The following MAPK8 variants were observed in gnomAD, a reference collection of about 807,000 sequenced individuals.
MAPK8 encodes the protein mitogen-activated protein kinase 8.
MAPK8 carries 13 observed loss-of-function variants against 52.9 expected under a neutral mutation model. That is an observed-to-expected ratio of 0.25 (90% CI 0.16 to 0.39). The LOEUF (loss-of-function observed/expected upper bound fraction) is 0.39, where lower values mean the gene tolerates loss of function less well. Among genes scored for constraint, MAPK8 ranks in the 10% least tolerant of loss-of-function variants. The probability of loss-of-function intolerance (pLI) is 1.00; values close to 1 mark genes in which losing one functional copy is unlikely to be tolerated. For synonymous variants in MAPK8, 191 were observed against 169.8 expected (o/e 1.12, Z -0.97); for missense variants, 300 against 519.2 (o/e 0.58, Z 4.10).
chr10:48,324,503 G>GTTTTTTTTTTTTTGGTTTTTTTTTTTTTT lies in MAPK8; in HGVS notation c.-50+17695_-50+17696insGGTTTTTTTTTTTTTTTTTTTTTTTTTTT, dbSNP rs529248037. ...TATACAACAGTTGTCCTGTTTTCTA[G>GTTTTTTTTTTTTTGGTTTTTTTTTTTTTT]TTTTTTTTTTTTTTTTTACACTCAT... On this transcript the variant is annotated intron_variant, in intron 1 of 11. Coordinates refer to ENST00000374189, the MANE Select transcript of MAPK8 (RefSeq NM_001323329.2). 5.8e-4 allele frequency among the ~76,000 whole-genome samples: 68 copies of GTTTTTTTTTTTTTGGTTTTTTTTTTTTTT among 117,976 alleles called. 1 individual carries two copies. Among genetic ancestry groups the GTTTTTTTTTTTTTGGTTTTTTTTTTTTTT allele is most frequent in the Admixed American group, 1.4e-3 (15 of 10,730 alleles). The allele number at this position is 117,976 out of a possible 152,430, so 77.4% of individuals were successfully genotyped here.
chr10:48,329,309 T>A (rs1418914694), intron 1 of MAPK8, among the ~76,000 whole-genome samples: 3 of 152,208 alleles, frequency 2.0e-5, no homozygotes, highest in Admixed American at 6.5e-5. Flanking sequence ...AATTATAGTA[T>A]AATGGGTGTC....
At chr10:48,322,219 A>G (rs1379141164) in intron 1 of MAPK8, among the ~76,000 whole-genome samples, 1 of 152,174 alleles carries the variant, frequency 6.6e-6, no homozygotes, top group African/African-American at 2.4e-5. Flanking sequence ...GGGAATTCCT[A>G]AAGAATTCAT....
intron 1 of MAPK8, chr10:48,307,958 G>T (rs1841571685): frequency 6.6e-6 from 1 of 152,212 alleles, no homozygotes; most frequent in South Asian, 2.1e-4. Context: ...AGTGATGTCT[G>T]TTAAGGAAGG....
intron 10 of MAPK8, among the ~76,000 whole-genome samples, chr10:48,429,229 G>GA (rs2043962831): frequency 6.6e-6 from 1 of 151,990 alleles, no homozygotes; most frequent in East Asian, 1.9e-4. Flanking sequence ...GTGCCACAAA[G>GA]AAAAAAACAC....
intron 2 of MAPK8, among the ~76,000 whole-genome samples, chr10:48,402,718 A>T (rs2042222456): frequency 6.6e-6 from 1 of 152,256 alleles, no homozygotes; most frequent in Non-Finnish European, 1.5e-5. Flanking sequence ...TTAAGTATTT[A>T]TAATCCAGTA....
intron 1 of MAPK8, among the ~76,000 whole-genome samples, chr10:48,385,392 A>G (rs2041251613): frequency 6.6e-6 from 1 of 152,210 alleles, no homozygotes; most frequent in South Asian, 2.1e-4. Context: ...GCTACCTAGC[A>G]TGTCAGGCAG....
chr10:48,413,219 T>A (rs2042857002), intron 5 of MAPK8, among the ~76,000 whole-genome samples: 1 of 152,000 alleles, frequency 6.6e-6, no homozygotes, highest in Non-Finnish European at 1.5e-5. Context: ...GGTTCCACAT[T>A]TAGCTCTTTT....
intron 1 of MAPK8, among the ~76,000 whole-genome samples, chr10:48,332,421 A>G (rs540765614): frequency 9.8e-5 from 15 of 152,310 alleles, no homozygotes; most frequent in South Asian, 4.1e-4. Flanking sequence ...GGGATCCCCA[A>G]TGACTCCTTT....
chr10:48,372,992 C>T (rs1418481150), intron 1 of MAPK8, among the ~76,000 whole-genome samples: 1 of 152,086 alleles, frequency 6.6e-6, no homozygotes, highest in East Asian at 1.9e-4. Context: ...AGAGAAAGGT[C>T]GGGTTACCCA....
chr10:48,401,359 T>C (rs28395807), intron 1 of MAPK8, among the ~76,000 whole-genome samples: 54 of 152,338 alleles, frequency 3.5e-4, no homozygotes, highest in Non-Finnish European at 6.5e-4. Flanking sequence ...TATTAATGTA[T>C]TAATACTGGT....
chr10:48,337,395 A>AT (rs59146076), intron 1 of MAPK8, among the ~76,000 whole-genome samples: 126,068 of 151,890 alleles, frequency 0.83, 52,832 homozygotes, highest in African/African-American at 0.96. Context: ...CAGAAATACA[A>AT]TTTTTTTTGG....
chr10:48,399,689 G>GT (rs2042062018), intron 1 of MAPK8, among the ~76,000 whole-genome samples: 1 of 152,174 alleles, frequency 6.6e-6, no homozygotes, highest in Non-Finnish European at 1.5e-5. Flanking sequence ...GAAACACAGT[G>GT]TTTTGTTACC....
intron 5 of MAPK8, among the ~76,000 whole-genome samples, chr10:48,413,815 T>TTACA (rs1554832943): frequency 4.1e-5 from 2 of 48,378 alleles, no homozygotes; most frequent in Non-Finnish European, 8.7e-5. Context: ...GCCAGAATTG[T>TTACA]TATATATATA....
intron 1 of MAPK8, among the ~76,000 whole-genome samples, chr10:48,362,377 TTTA>T (rs1270507140): frequency 6.6e-6 from 1 of 152,162 alleles, no homozygotes; most frequent in African/African-American, 2.4e-5. Context: ...TCTGCCTTGC[TTTA>T]AGATGAACTT....
intron 3 of MAPK8, among the ~76,000 whole-genome samples, 168 bp from the exon 4 acceptor site, chr10:48,409,711 T>C (rs943095577): frequency 6.6e-6 from 1 of 152,316 alleles, no homozygotes; most frequent in Non-Finnish European, 1.5e-5. Context: ...CTCCAACTCC[T>C]GCCCATAAAG....
chr10:48,431,078 A>G (rs949947051), intron 10 of MAPK8, 115 bp from the exon 11 acceptor site: 4 of 690,476 alleles, frequency 5.8e-6, no homozygotes, highest in East Asian at 5.5e-5. Context: ...CTGTCATTGT[A>G]AGGACACTGT....
intron 1 of MAPK8, among the ~76,000 whole-genome samples, chr10:48,372,147 T>C (rs1413606103): frequency 6.6e-6 from 1 of 152,046 alleles, no homozygotes; most frequent in African/African-American, 2.4e-5. Flanking sequence ...TCAGCTCCTC[T>C]CCCCTTCCTA....
At position 48,409,933 on chromosome 10, in the gene MAPK8, G is replaced by A; in HGVS notation, c.307G>A (p.Asp103Asn). The change falls in exon 4 of 12, where the codon GAT becomes AAT. Residue 103 changes from aspartate (D) to asparagine (N), a missense_variant. Around this residue, in one of 3 missense-constraint regions of MAPK8, gnomAD observed 147 missense variants for 328.1 expected, o/e 0.45. Coordinates refer to ENST00000374189, the MANE Select transcript of MAPK8 (RefSeq NM_001323329.2). Reference protein sequence around the residue: ...TPQKSLEEFQDVYIVMELMDA... With the variant: ...TPQKSLEEFQNVYIVMELMDA... The stretch of plus-strand genomic sequence containing the variant: ...ACAGAAATCCCTAGAAGAATTTCAA[G>A]ATGTGTAAGTGTAATAATTAAAATT... The A allele has an allele frequency of 1.9e-6, 3 of 1,611,398 alleles. No homozygotes were observed. Among genetic ancestry groups the A allele is most frequent in the Non-Finnish European group, 2.5e-6 (3 of 1,178,042 alleles).
At chr10:48,324,540 C>A (rs901478052) in intron 1 of MAPK8, among the ~76,000 whole-genome samples, 6 of 103,052 alleles carry the variant, frequency 5.8e-5, no homozygotes, top group African/African-American at 2.5e-4. Flanking sequence ...ATATTGGCTT[C>A]TTGAAGAGAC....
Sources: gnomAD v4.1 joint callset for allele counts (sites outside exome capture counted in the v4.1 genomes callset) on GRCh38, gnomAD v4.1.1 for gene constraint, gnomAD v4.1.1 regional missense constraint, MANE v1.5 for transcripts, NCBI Gene and HGNC (gene_info 2026-07-23, HGNC 2026-07-21) for gene names.